COL6A2: variants seen among roughly 807,000 people sequenced by gnomAD.
COL6A2 encodes collagen alpha-2(VI) chain.
COL6A2 carries 90 observed loss-of-function variants against 124.9 expected under a neutral mutation model. That is an observed-to-expected ratio of 0.72 (90% CI 0.61 to 0.86). The LOEUF is 0.86. COL6A2 is among the 40% of genes least tolerant of loss of function. The probability of loss-of-function intolerance (pLI) is 0.00; values close to 1 mark genes in which losing one functional copy is unlikely to be tolerated. For synonymous variants in COL6A2, 793 were observed against 618.2 expected, an observed-to-expected ratio of 1.28 and a Z score of -4.19; for missense variants, 1,607 against 1,502.5, an observed-to-expected ratio of 1.07 and a Z score of -1.15.
rs115951307 is a variant in COL6A2, at chr21:46,121,893, G to A, written c.1522-215G>A. On this transcript the variant is annotated intron_variant, in intron 18 of 27. Coordinates refer to ENST00000300527, the MANE Select transcript of COL6A2 (RefSeq NM_001849.4). ...ACGTGGCCTGAGTAGGGTCCTCCCCGCGTGTGGGCAGGCTTCGGGTCTCTA... is the reference window on the plus strand; with the variant it reads ...ACGTGGCCTGAGTAGGGTCCTCCCCACGTGTGGGCAGGCTTCGGGTCTCTA... Among the ~76,000 whole-genome samples, 2,861 of 147,920 alleles carry A rather than the reference G, an allele frequency of 0.019. 92 individuals carry two copies. Among genetic ancestry groups the A allele is most frequent in the African/African-American group, 0.07 (2,723 of 39,158 alleles).
At chr21:46,114,217 G>T in intron 5 of COL6A2, 144 bp downstream of exon 5, 1 of 713,024 alleles carries the variant, frequency 1.4e-6, no homozygotes, top group South Asian at 1.5e-5. Context: ...ACAACGTCAG[G>T]AGATCGAGAC....
intron 1 of COL6A2, among the ~76,000 whole-genome samples, chr21:46,104,769 T>C (rs929573987): frequency 6.6e-6 from 1 of 152,214 alleles, no homozygotes. Context: ...GACAAAGATT[T>C]TGAAAACAGC....
intron 27 of COL6A2, among the ~76,000 whole-genome samples, chr21:46,127,569 C>T (rs1396125132): frequency 6.6e-6 from 1 of 152,170 alleles, no homozygotes; most frequent in Non-Finnish European, 1.5e-5. Context: ...CGTCCTCCCC[C>T]AGGGTCCACA....
Position 46,124,921 on chromosome 21 carries a change from G to A in COL6A2, c.1770+1G>A, listed in dbSNP as rs752803039. The A allele has an allele frequency of 3.7e-6, 6 of 1,612,914 alleles. No homozygotes were observed. Among genetic ancestry groups the A allele is most frequent in the Non-Finnish European group, 5.1e-6 (6 of 1,180,008 alleles). On this transcript the variant is annotated splice_donor_variant, in intron 23 of 27. Transcript: ENST00000300527. LOFTEE classifies it high-confidence loss of function. The stretch of plus-strand genomic sequence containing the variant: ...CCCCCCTGGAGACCCCGGTCTCACG[G>A]TAGGTGTCACATGGGGCAGAACCAG...
chr21:46,120,517 G>C lies in COL6A2; in HGVS notation c.1335G>C (p.Gly445=). Residue 445 remains glycine (G), a splice_region_variant and synonymous_variant, in exon 16 of 28, where the codon GGG becomes GGC. Coordinates refer to ENST00000300527, the MANE Select transcript of COL6A2 (RefSeq NM_001849.4). ...PGSDGPKGEK[G]DPGPEGPRGL... ...GGGCCTCCCTTCCCTTCCCACAGGG[G>C]GACCCTGGCCCTGAGGGGCCCCGCG... 1 of 1,508,822 alleles carries C rather than the reference G, an allele frequency of 6.6e-7. No individual in the cohort carries two copies. Among genetic ancestry groups the C allele is most frequent in the East Asian group, 2.5e-5 (1 of 39,962 alleles). The allele number at this position is 1,508,822 out of a possible 1,614,324, so 93.5% of individuals were successfully genotyped here. A position where few individuals can be genotyped will look rare whatever the true frequency, so the allele number is the denominator to read the frequency against.
intron 1 of COL6A2, among the ~76,000 whole-genome samples, chr21:46,109,479 G>A (rs2078371526): frequency 6.6e-6 from 1 of 152,184 alleles, no homozygotes; most frequent in African/African-American, 2.4e-5. Flanking sequence ...GCCTGAAGGT[G>A]GGGCTTCACT....
At chr21:46,100,418 T>C (rs1230250624) in intron 1 of COL6A2, among the ~76,000 whole-genome samples, 1 of 152,220 alleles carries the variant, frequency 6.6e-6, no homozygotes, top group East Asian at 1.9e-4. Flanking sequence ...CAATATAAAA[T>C]GTACTGTCTT....
intron 12 of COL6A2, among the ~76,000 whole-genome samples, 166 bp from the exon 13 acceptor site, chr21:46,118,448 C>T (rs901474176): frequency 6.6e-6 from 1 of 152,216 alleles, no homozygotes; most frequent in Admixed American, 6.5e-5. Context: ...TCAGCTGGCA[C>T]GGAGGTTCCA....
chr21:46,100,152 T>G (rs1344788352), intron 1 of COL6A2, among the ~76,000 whole-genome samples: 2 of 152,042 alleles, frequency 1.3e-5, no homozygotes, highest in East Asian at 3.9e-4. Flanking sequence ...GGCTGGAGTG[T>G]GGTGGTGCTA....
chr21:46,115,151 G>C (rs11910021), intron 5 of COL6A2, among the ~76,000 whole-genome samples: 8,552 of 152,252 alleles, frequency 0.056, 826 homozygotes, highest in African/African-American at 0.2. Context: ...GCAGTGACCC[G>C]TTCTGTTGGG....
intron 27 of COL6A2, chr21:46,129,080 C>G: frequency 1.2e-6 from 2 of 1,600,190 alleles, no homozygotes; most frequent in Non-Finnish European, 1.7e-6. Flanking sequence ...CCTCTACCGA[C>G]TCGCCAGCCC....
chr21:46,130,295 G>A (rs747013804), intron 27 of COL6A2, among the ~76,000 whole-genome samples: 10 of 152,232 alleles, frequency 6.6e-5, no homozygotes, highest in Admixed American at 1.3e-4. Flanking sequence ...CAACCTCTGC[G>A]GTCCTCAGAG....
chr21:46,117,119 A>C (rs1275621512), intron 10 of COL6A2, among the ~76,000 whole-genome samples: 1 of 151,036 alleles, frequency 6.6e-6, no homozygotes, highest in African/African-American at 2.4e-5. Context: ...AGCCCCACCC[A>C]CTCCTTCCAT....
chr21:46,127,972 C>T (rs902624559), intron 27 of COL6A2, among the ~76,000 whole-genome samples: 32 of 152,314 alleles, frequency 2.1e-4, no homozygotes, highest in Admixed American at 1.3e-4. Flanking sequence ...TGTTTATGCA[C>T]GTGGGCCCTG....
chr21:46,121,148 T>C (rs1462117761), intron 17 of COL6A2, 25 bp downstream of exon 17: 1 of 1,611,274 alleles, frequency 6.2e-7, no homozygotes, highest in South Asian at 1.1e-5. Context: ...AGGAGGCCGG[T>C]GCCCTCTGAC....
rs367980010 is a variant in COL6A2, at chr21:46,132,335, C to G, written c.2843C>G (p.Thr948Arg). Residue 948 changes from threonine (T) to arginine (R), a missense_variant, in exon 28 of 28, where the codon ACG becomes AGG. Transcript: ENST00000300527. Reference sequence around the variant, plus strand: ...GCAGAGCTGTCCTTCGTGTTCCTCACGGACGGCGTCACGGGCAACGACAGT... The same window carrying G: ...GCAGAGCTGTCCTTCGTGTTCCTCAGGGACGGCGTCACGGGCAACGACAGT... ...RHAELSFVFL[T>R]DGVTGNDSLH... The G allele has an allele frequency of 1.2e-6, 2 of 1,607,802 alleles. No individual in the cohort carries two copies. Among genetic ancestry groups the G allele is most frequent in the Non-Finnish European group, 1.7e-6 (2 of 1,179,556 alleles).
intron 27 of COL6A2, chr21:46,128,837 G>T: frequency 1.5e-6 from 2 of 1,355,034 alleles, no homozygotes; most frequent in Admixed American, 1.7e-5. Context: ...GGGTGGCTGG[G>T]GTCTTCCTGG....
Position 46,116,926 on chromosome 21 carries a change from T to TACACAC in COL6A2, c.999+137_999+142dup, listed in dbSNP as rs59060956. 0.058 allele frequency: 36,678 copies of TACACAC among 636,410 alleles called. 829 individuals carry two copies. Among genetic ancestry groups the TACACAC allele is most frequent in the Admixed American group, 0.17 (6,642 of 38,390 alleles). 39.4% of individuals were successfully genotyped at this position (636,410 alleles called of 1,614,324 possible). A position where few individuals can be genotyped will look rare whatever the true frequency, so the allele number is the denominator to read the frequency against. On this transcript the variant is annotated intron_variant, in intron 10 of 27. Coordinates refer to ENST00000300527, the MANE Select transcript of COL6A2 (RefSeq NM_001849.4). This position sits in a 1 kb window ranked among gnomAD's most constrained non-coding sequence, Gnocchi z 4.6. ...CAGCTTACACATGTGTACACACGCA[T>TACACAC]ACACACACACACACACACACACACA...
rs372936386 is a variant in COL6A2 at position 46,126,210 on chromosome 21, G to C, written c.2395G>C (p.Asp799His). The C allele has an allele frequency of 1.9e-6, 3 of 1,601,598 alleles. No homozygotes were observed. Among genetic ancestry groups the C allele is most frequent in the Admixed American group, 3.3e-5 (2 of 60,026 alleles). The change falls in exon 26 of 28, where the codon GAT (aspartate) becomes CAT (histidine). Residue 799 changes from aspartate (D) to histidine (H), a missense_variant. Physicochemically the swap from Asp to His is moderately conservative, Grantham distance 81. Coordinates refer to ENST00000300527, the MANE Select transcript of COL6A2 (RefSeq NM_001849.4). Reference sequence around the variant, plus strand: ...CGACCTGGTCGCTGAGAAGTTCATCGATGACATGGAGGACGTCCTCTGCCC... The same window carrying C: ...CGACCTGGTCGCTGAGAAGTTCATCCATGACATGGAGGACGTCCTCTGCCC... Reference protein sequence around the residue: ...FSDLVAEKFIDDMEDVLCPDP... With the variant: ...FSDLVAEKFIHDMEDVLCPDP...
Sources: gnomAD v4.1 joint callset for allele counts (sites outside exome capture counted in the v4.1 genomes callset) on GRCh38, gnomAD v4.1.1 for gene constraint, Gnocchi (gnomAD v3.1) non-coding constraint, MANE v1.5 for transcripts, NCBI Gene and HGNC (gene_info 2026-07-23, HGNC 2026-07-21) for gene names.